DCDC1: variants seen among roughly 807,000 people sequenced by gnomAD.
The protein encoded by DCDC1 is doublecortin domain-containing protein 1.
Under a neutral mutation model 178.3 loss-of-function variants are expected in DCDC1, and 200 were observed. The observed-to-expected ratio is 1.12, with a 90% CI of 1.00 to 1.26. The LOEUF (loss-of-function observed/expected upper bound fraction) is 1.26, where lower values mean the gene tolerates loss of function less well. Among genes scored for constraint, DCDC1 ranks in the 50% most tolerant of loss-of-function variants. The pLI is 0.00. For missense variants in DCDC1, 1,983 were observed against 1,749.2 expected (o/e 1.13, Z -2.38); for synonymous variants, 690 against 604.8 (o/e 1.14, Z -2.07).
At chr11:31,093,360 G>A (rs1233100786) in intron 16 of DCDC1, among the ~76,000 whole-genome samples, 1 of 152,176 alleles carries the variant, frequency 6.6e-6, no homozygotes, top group African/African-American at 2.4e-5. Context: ...CGCATTCACA[G>A]GAGTGCTAAG....
intron 20 of DCDC1, among the ~76,000 whole-genome samples, chr11:30,973,477 G>C (rs900328565): frequency 1.3e-5 from 2 of 151,904 alleles, no homozygotes; most frequent in African/African-American, 4.8e-5. Context: ...ACAGCAATGC[G>C]AGAACACATT....
chr11:31,056,063 T>C (rs1222678502), intron 20 of DCDC1, among the ~76,000 whole-genome samples: 1 of 152,146 alleles, frequency 6.6e-6, no homozygotes, highest in African/African-American at 2.4e-5. Flanking sequence ...AGAGAGAAAG[T>C]GCATATATGG....
chr11:31,273,128 A>G (rs1945704116), intron 7 of DCDC1, among the ~76,000 whole-genome samples: 1 of 152,178 alleles, frequency 6.6e-6, no homozygotes, highest in Non-Finnish European at 1.5e-5. Context: ...ATTGCTGTGA[A>G]GACTTCTGAC....
At chr11:31,132,507 T>A (rs1410363091) in intron 10 of DCDC1, among the ~76,000 whole-genome samples, 1 of 152,188 alleles carries the variant, frequency 6.6e-6, no homozygotes, top group Non-Finnish European at 1.5e-5. Context: ...GAATCTTTTT[T>A]TTTCTTCAAA....
At chr11:31,108,824 T>C (rs1392262344) in intron 12 of DCDC1, among the ~76,000 whole-genome samples, 1 of 152,196 alleles carries the variant, frequency 6.6e-6, no homozygotes, top group African/African-American at 2.4e-5. Flanking sequence ...CAACCAAAAA[T>C]TGTGATAATC....
chr11:31,296,074 T>TAGTC (rs764374813), intron 6 of DCDC1, among the ~76,000 whole-genome samples: 11 of 152,178 alleles, frequency 7.2e-5, no homozygotes, highest in South Asian at 6.2e-4. Flanking sequence ...AGTTTTCTCC[T>TAGTC]AGTCAGTCAG....
chr11:30,876,866 T>C (rs1209705567), intron 38 of DCDC1, among the ~76,000 whole-genome samples: 2 of 151,646 alleles, frequency 1.3e-5, no homozygotes, highest in Non-Finnish European at 2.9e-5. Context: ...TTGGCAAGAG[T>C]CCTCTTGGCT....
intron 38 of DCDC1, among the ~76,000 whole-genome samples, chr11:30,872,098 C>T (rs1047490420): frequency 5.3e-5 from 8 of 152,012 alleles, no homozygotes; most frequent in Non-Finnish European, 1.2e-4. Flanking sequence ...GTACAAGGCC[C>T]TCATAATCAG....
chr11:30,932,097 A>G, intron 21 of DCDC1, 145 bp from the exon 22 acceptor site: 1 of 613,924 alleles, frequency 1.6e-6, no homozygotes, highest in East Asian at 3.3e-5. Flanking sequence ...TGCTCCAGAC[A>G]ATTCTAATTA....
chr11:30,870,037 A>C (rs1320409873), intron 38 of DCDC1, among the ~76,000 whole-genome samples: 1 of 152,198 alleles, frequency 6.6e-6, no homozygotes, highest in Non-Finnish European at 1.5e-5. Flanking sequence ...GAGTGATGGC[A>C]GTGGTCTGAA....
intron 36 of DCDC1, chr11:30,883,609 A>G: frequency 4.0e-6 from 1 of 251,570 alleles, no homozygotes; most frequent in Non-Finnish European, 8.4e-6. Flanking sequence ...AGAAAAATTC[A>G]GTTATATTTA....
chr11:31,087,662 G>A (rs1417422982), intron 17 of DCDC1, among the ~76,000 whole-genome samples: 2 of 151,948 alleles, frequency 1.3e-5, no homozygotes, highest in Non-Finnish European at 2.9e-5. Flanking sequence ...CTATATTTTA[G>A]TTTAACTCCA....
chr11:31,058,374 C>T (rs1453877219), intron 20 of DCDC1, among the ~76,000 whole-genome samples: 1 of 152,020 alleles, frequency 6.6e-6, no homozygotes, highest in Non-Finnish European at 1.5e-5. Flanking sequence ...CCTGGAGGTA[C>T]AAATGTAAAG....
intron 9 of DCDC1, among the ~76,000 whole-genome samples, chr11:31,184,550 G>T (rs1969241713): frequency 6.6e-6 from 1 of 151,576 alleles, no homozygotes; most frequent in African/African-American, 2.4e-5. Flanking sequence ...CTGACAAAGG[G>T]CTAATATCCA....
chr11:31,123,417 T>C (rs1961098542), intron 11 of DCDC1, among the ~76,000 whole-genome samples: 1 of 152,098 alleles, frequency 6.6e-6, no homozygotes. Flanking sequence ...TTTTAAATAA[T>C]GGCTATATAA....
At chr11:31,188,524 T>C (rs1969774927) in intron 9 of DCDC1, among the ~76,000 whole-genome samples, 2 of 152,128 alleles carry the variant, frequency 1.3e-5, no homozygotes, top group South Asian at 4.1e-4. Context: ...TCTGAGATGA[T>C]GATGTAATTG....
intron 9 of DCDC1, among the ~76,000 whole-genome samples, chr11:31,154,665 A>G (rs1300971679): frequency 6.6e-6 from 1 of 152,226 alleles, no homozygotes; most frequent in Non-Finnish European, 1.5e-5. Context: ...ATTAAAAGAA[A>G]TTCTGGAAAG....
intron 35 of DCDC1, 131 bp from the exon 36 acceptor site, chr11:30,893,128 T>A: frequency 1.1e-6 from 1 of 948,118 alleles, no homozygotes; most frequent in Non-Finnish European, 1.5e-6. Context: ...AAGTAACTAT[T>A]AAGTACATTA....
chr11:30,965,563 A>G (rs1398769129), intron 20 of DCDC1, among the ~76,000 whole-genome samples: 1 of 151,408 alleles, frequency 6.6e-6, no homozygotes, highest in Non-Finnish European at 1.5e-5. Flanking sequence ...ATAGATTGGA[A>G]GACCTAATAT....
Sources: gnomAD v4.1 joint callset for allele counts (sites outside exome capture counted in the v4.1 genomes callset) on GRCh38, gnomAD v4.1.1 for gene constraint, MANE v1.5 for transcripts, NCBI Gene and HGNC (gene_info 2026-07-23, HGNC 2026-07-21) for gene names.